RIMS2: variants seen among roughly 807,000 people sequenced by gnomAD.
The protein encoded by RIMS2 is regulating synaptic membrane exocytosis protein 2.
RIMS2 carries 59 observed loss-of-function variants against 174.4 expected under a neutral mutation model. The ratio of observed to expected loss-of-function variants is 0.34; its 90% CI spans 0.27 to 0.42. The LOEUF (loss-of-function observed/expected upper bound fraction) is 0.42. Ranked by LOEUF, RIMS2 falls within the 10% of genes least tolerant of loss-of-function variation. The pLI is 1.00. For synonymous variants in RIMS2, 606 were observed against 572.5 expected (o/e 1.06, Z -0.84); for missense variants, 1,620 against 1,666.3 (o/e 0.97, Z 0.48).
chr8:104,139,156 T>C (rs547624450), intron 19 of RIMS2, among the ~76,000 whole-genome samples: 1 of 152,270 alleles, frequency 6.6e-6, no homozygotes, highest in African/African-American at 2.4e-5. Context: ...TCATGCTGTT[T>C]TGGTTAATAT....
chr8:104,193,050 C>CCT (rs367963342), intron 19 of RIMS2, among the ~76,000 whole-genome samples: 1,681 of 149,836 alleles, frequency 0.011, 27 homozygotes, highest in African/African-American at 0.038. Flanking sequence ...TTTCTCCTCC[C>CCT]CTCTCTCTCT....
chr8:103,638,893 G>A (rs895835749), intron 1 of RIMS2, among the ~76,000 whole-genome samples: 21 of 151,820 alleles, frequency 1.4e-4, no homozygotes, highest in African/African-American at 3.9e-4. Flanking sequence ...TTTATTTCTC[G>A]ACCTCTATTT....
At chr8:104,002,662 A>G (rs1268201808) in intron 17 of RIMS2, among the ~76,000 whole-genome samples, 1 of 152,174 alleles carries the variant, frequency 6.6e-6, no homozygotes, top group Non-Finnish European at 1.5e-5. Context: ...GTTTGGCTAT[A>G]TGATATCTGG....
chr8:103,870,186 G>A (rs780444914), intron 3 of RIMS2, among the ~76,000 whole-genome samples: 1 of 149,524 alleles, frequency 6.7e-6, no homozygotes, highest in African/African-American at 2.5e-5. Context: ...CTATTTACCA[G>A]CTATGTGATT....
At chr8:103,623,691 G>A (rs891884725) in intron 1 of RIMS2, among the ~76,000 whole-genome samples, 76 of 151,066 alleles carry the variant, frequency 5.0e-4, no homozygotes, top group African/African-American at 1.7e-3. Context: ...GGGTTTCACC[G>A]TGTTAGCCAG....
chr8:103,708,897 ACTC>A (rs1262813214), intron 2 of RIMS2, among the ~76,000 whole-genome samples: 1 of 151,564 alleles, frequency 6.6e-6, no homozygotes, highest in African/African-American at 2.4e-5. Context: ...AGCTTCAAGA[ACTC>A]CTGTTCCCAG....
chr8:103,708,937 A>G (rs1217218523), intron 2 of RIMS2, among the ~76,000 whole-genome samples: 1 of 152,280 alleles, frequency 6.6e-6, no homozygotes, highest in Non-Finnish European at 1.5e-5. Flanking sequence ...TAATTGTCCT[A>G]CAGCTCACTT....
intron 19 of RIMS2, among the ~76,000 whole-genome samples, chr8:104,190,187 A>G (rs1482422429): frequency 6.6e-6 from 1 of 152,082 alleles, no homozygotes; most frequent in African/African-American, 2.4e-5. Flanking sequence ...CTGTAGACCT[A>G]GCTGTTCAGG....
intron 3 of RIMS2, among the ~76,000 whole-genome samples, chr8:103,838,492 T>G (rs2098918014): frequency 6.6e-6 from 1 of 152,208 alleles, no homozygotes; most frequent in South Asian, 2.1e-4. Context: ...TAGCATAATT[T>G]ATTTTCCATA....
intron 2 of RIMS2, among the ~76,000 whole-genome samples, chr8:103,708,716 A>G (rs769997581): frequency 1.3e-5 from 2 of 152,130 alleles, no homozygotes; most frequent in Admixed American, 6.6e-5. Flanking sequence ...TGCATAATGT[A>G]GCATTTTTCA....
chr8:103,859,900 C>T lies in RIMS2; in HGVS notation c.699-25398C>T, dbSNP rs550469344. 2.0e-5 allele frequency among the ~76,000 whole-genome samples: 3 copies of T among 152,110 alleles called. No individual in the cohort carries two copies. The East Asian group carries it at 5.8e-4, about 29-fold the overall frequency. On this transcript the variant is annotated intron_variant, in intron 3 of 23. Coordinates refer to ENST00000504942, the Ensembl canonical transcript of RIMS2. ...TTACTACCTCAGCACAGAAATGATA[C>T]ACTTTCTTTAGGAACTCAGTGGACA...
At chr8:103,876,909 T>TATATGTATACAC (rs71297243) in intron 3 of RIMS2, among the ~76,000 whole-genome samples, 3 of 66,112 alleles carry the variant, frequency 4.5e-5, no homozygotes, top group African/African-American at 1.3e-4. Context: ...TATATATATA[T>TATATGTATACAC]ACACACACAC....
At chr8:104,052,408 A>C in intron 19 of RIMS2, among the ~76,000 whole-genome samples, 1 of 152,152 alleles carries the variant, frequency 6.6e-6, no homozygotes, top group East Asian at 1.9e-4. Context: ...AGGGGTCCAC[A>C]GGGGCATGGT....
At chr8:104,164,185 T>TAGAGCC (rs369685425) in intron 19 of RIMS2, among the ~76,000 whole-genome samples, 122,614 of 151,966 alleles carry the variant, frequency 0.81, 49,950 homozygotes, top group East Asian at 1. Flanking sequence ...ATCCTGGAAT[T>TAGAGCC]ATCTTTCCTG....
rs200834695 is a variant in RIMS2 at position 103,918,418 on chromosome 8, CTTT to C, written c.2037-14_2037-12del. 6 of 1,138,968 alleles carry C rather than the reference CTTT, an allele frequency of 5.3e-6. No individual in the cohort carries two copies. Among genetic ancestry groups the C allele is most frequent in the Non-Finnish European group, 5.9e-6 (5 of 847,212 alleles). The allele number at this position is 1,138,968 out of a possible 1,614,324, so 70.6% of individuals were successfully genotyped here. On this transcript the variant is annotated intron_variant, in intron 8 of 23. Transcript: ENST00000504942. The stretch of plus-strand genomic sequence containing the variant: ...AATTGTTGAAACAGTTTCTGTCTTT[CTTT>C]TTTTTTTTAATCATTTCAGAGATAT...
At chr8:104,099,683 T>A (rs1293757120) in intron 19 of RIMS2, among the ~76,000 whole-genome samples, 3 of 152,202 alleles carry the variant, frequency 2.0e-5, no homozygotes, top group Non-Finnish European at 4.4e-5. Flanking sequence ...TTGTGTTCAG[T>A]TAGATCAATT....
intron 2 of RIMS2, among the ~76,000 whole-genome samples, chr8:103,748,822 CAG>C (rs1346607639): frequency 1.3e-5 from 2 of 150,878 alleles, no homozygotes; most frequent in African/African-American, 4.9e-5. Flanking sequence ...TTTTTTGAGA[CAG>C]AGTTTTACTC....
In RIMS2 at chr8:103,607,338, C is replaced by G. The variant is rs1039126252; in HGVS notation, c.177-89748C>G. 4.8e-3 allele frequency among the ~76,000 whole-genome samples: 737 copies of G among 152,148 alleles called. 4 individuals carry two copies. The highest frequency in any genetic ancestry group is 0.017 in the African/African-American group (711 of 41,482). Reference sequence around the variant, plus strand: ...AATGTTGAATATTGGCCCCCACTCTCTTCTGGCTTGTAGGGTTTCTGCTGA... The same window carrying G: ...AATGTTGAATATTGGCCCCCACTCTGTTCTGGCTTGTAGGGTTTCTGCTGA... On this transcript the variant is annotated intron_variant, in intron 1 of 23. Transcript: ENST00000504942.
At chr8:103,963,991 A>C (rs1216578611) in intron 15 of RIMS2, among the ~76,000 whole-genome samples, 3 of 152,102 alleles carry the variant, frequency 2.0e-5, no homozygotes, top group African/African-American at 4.8e-5. Context: ...TTGTCTTTTC[A>C]TGGTTTGATA....
Sources: allele counts gnomAD v4.1 joint callset (sites outside exome capture counted in the v4.1 genomes callset), GRCh38; gene constraint gnomAD v4.1.1; transcripts MANE v1.5; gene names NCBI Gene and HGNC (gene_info 2026-07-23, HGNC 2026-07-21).